The following PDE3A variants were observed in gnomAD, a reference collection of about 807,000 sequenced individuals.
The protein encoded by PDE3A is cGMP-inhibited 3',5'-cyclic phosphodiesterase 3A.
PDE3A carries 43 observed loss-of-function variants against 98.3 expected under a neutral mutation model. The observed-to-expected ratio is 0.44, with a 90% confidence interval of 0.34 to 0.56. PDE3A has a LOEUF of 0.56. PDE3A is among the 20% of genes least tolerant of loss of function. The pLI is 0.01. For synonymous variants in PDE3A, 663 were observed against 567.9 expected (o/e 1.17, Z -2.38); for missense variants, 1,427 against 1,440.7 (o/e 0.99, Z 0.15).
At chr12:20,442,875 G>A (rs996007361) in intron 1 of PDE3A, among the ~76,000 whole-genome samples, 1 of 152,036 alleles carries the variant, frequency 6.6e-6, no homozygotes, top group Non-Finnish European at 1.5e-5. Flanking sequence ...AAACTATATC[G>A]TTCATCCACT....
intron 15 of PDE3A, among the ~76,000 whole-genome samples, chr12:20,665,012 T>C (rs1034413374): frequency 6.6e-6 from 1 of 152,166 alleles, no homozygotes; most frequent in African/African-American, 2.4e-5. Context: ...CAAATATATC[T>C]CATATTTATT....
intron 13 of PDE3A, among the ~76,000 whole-genome samples, chr12:20,649,454 TG>T (rs764707484): frequency 1.3e-5 from 2 of 152,224 alleles, no homozygotes; most frequent in Non-Finnish European, 2.9e-5. Flanking sequence ...TAACACATTC[TG>T]TCATTGTGGT....
At chr12:20,436,464 TA>T (rs1260989322) in intron 1 of PDE3A, among the ~76,000 whole-genome samples, 2 of 152,196 alleles carry the variant, frequency 1.3e-5, no homozygotes, top group African/African-American at 4.8e-5. Flanking sequence ...CCAAGACTTT[TA>T]TGGCACTTAA....
Position 20,394,429 on chromosome 12 carries a change from T to C in PDE3A, c.960+24185T>C, listed in dbSNP as rs7135528. ...TATAATACTTTTTCATGAGTTGGGA[T>C]AAATAAGAAACCTCTTTGTGGCACT... On this transcript the variant is annotated intron_variant, in intron 1 of 15. Coordinates refer to ENST00000359062, the MANE Select transcript of PDE3A (RefSeq NM_000921.5). 6.2e-3 allele frequency among the ~76,000 whole-genome samples: 947 copies of C among 152,140 alleles called. 6 individuals are homozygous for C. Among genetic ancestry groups the C allele is most frequent in the African/African-American group, 0.021 (876 of 41,520 alleles).
intron 1 of PDE3A, among the ~76,000 whole-genome samples, chr12:20,431,897 T>C (rs1410249784): frequency 1.3e-5 from 2 of 152,222 alleles, no homozygotes; most frequent in Non-Finnish European, 2.9e-5. Flanking sequence ...TTTTGTTTGC[T>C]GAGTATTAAG....
rs559063007 is a variant in PDE3A at position 20,537,988 on chromosome 12, T to C, written c.961-18672T>C. ...AGGAGATTGAATTTGATGTGTTATA[T>C]ACATGGTATGAACCAAACGCATAAT... On this transcript the variant is annotated intron_variant, in intron 1 of 15. Coordinates refer to ENST00000359062, the MANE Select transcript of PDE3A (RefSeq NM_000921.5). 2.0e-5 allele frequency among the ~76,000 whole-genome samples: 3 copies of C among 152,314 alleles called. 1 individual carries two copies. Among genetic ancestry groups the C allele is most frequent in the African/African-American group, 4.8e-5 (2 of 41,574 alleles).
chr12:20,444,124 C>T (rs1944914041), intron 1 of PDE3A, among the ~76,000 whole-genome samples: 2 of 152,128 alleles, frequency 1.3e-5, no homozygotes, highest in African/African-American at 4.8e-5. Context: ...AAAGATGATA[C>T]AGCATGCCAT....
intron 2 of PDE3A, among the ~76,000 whole-genome samples, chr12:20,593,368 A>T (rs1943384927): frequency 6.6e-6 from 1 of 152,130 alleles, no homozygotes; most frequent in Non-Finnish European, 1.5e-5. Context: ...ACAACCAAGA[A>T]GTTGAATGTT....
intron 3 of PDE3A, 70 bp from the exon 4 acceptor site, chr12:20,616,160 T>G: frequency 7.3e-7 from 1 of 1,362,022 alleles, no homozygotes; most frequent in African/African-American, 1.5e-5. Context: ...GCTTGTTTCC[T>G]TCTATTATAT....
At chr12:20,481,161 A>C (rs1351911493) in intron 1 of PDE3A, among the ~76,000 whole-genome samples, 1 of 152,240 alleles carries the variant, frequency 6.6e-6, no homozygotes, top group Non-Finnish European at 1.5e-5. Flanking sequence ...AAGTAGATAC[A>C]GCATATATGT....
intron 14 of PDE3A, among the ~76,000 whole-genome samples, chr12:20,652,757 T>C (rs1292883653): frequency 1.3e-5 from 2 of 152,260 alleles, no homozygotes; most frequent in African/African-American, 4.8e-5. Flanking sequence ...ATTCAGGACA[T>C]AGGCATGGGC....
chr12:20,517,088 G>C (rs961082483), intron 1 of PDE3A, among the ~76,000 whole-genome samples: 1 of 152,198 alleles, frequency 6.6e-6, no homozygotes, highest in Admixed American at 6.5e-5. Context: ...TGACTCTGTC[G>C]ACAGCAGAAA....
intron 1 of PDE3A, among the ~76,000 whole-genome samples, chr12:20,534,524 C>T (rs1592029043): frequency 6.6e-6 from 1 of 152,154 alleles, no homozygotes; most frequent in African/African-American, 2.4e-5. Context: ...ATCTTCTCAT[C>T]CATATTCACA....
rs866040640 is a variant in PDE3A, at chr12:20,544,668, G to C, written c.961-11992G>C. Among the ~76,000 whole-genome samples the C allele has an allele frequency of 3.9e-5, 6 of 151,934 alleles. No homozygotes were observed. In the South Asian group the frequency reaches 1.2e-3, roughly 32 times the overall value. ...TAAAAACGTTTATGATTTGCAACCA[G>C]CCAACCTATATTTTAATCCATATTT... On this transcript the variant is annotated intron_variant, in intron 1 of 15. Coordinates refer to ENST00000359062, the MANE Select transcript of PDE3A (RefSeq NM_000921.5).
At chr12:20,498,997 G>A (rs1043905047) in intron 1 of PDE3A, among the ~76,000 whole-genome samples, 5 of 152,140 alleles carry the variant, frequency 3.3e-5, no homozygotes, top group African/African-American at 1.2e-4. Context: ...CTTTTTGGTA[G>A]AAAATTGGCA....
At chr12:20,384,773 CAT>C (rs1943721553) in intron 1 of PDE3A, among the ~76,000 whole-genome samples, 1 of 152,048 alleles carries the variant, frequency 6.6e-6, no homozygotes. Flanking sequence ...TAAGTGAAAA[CAT>C]GTGGTGTTTG....
At chr12:20,467,355 TATTA>T (rs1245686127) in intron 1 of PDE3A, among the ~76,000 whole-genome samples, 2 of 152,060 alleles carry the variant, frequency 1.3e-5, no homozygotes, top group Non-Finnish European at 2.9e-5. Context: ...AAATGATTTA[TATTA>T]ATAAAGATAG....
rs1401558662 is a variant in PDE3A at position 20,368,650 on chromosome 12, G to T, written c.-635G>T. ...TGCCATGAATTGGATTGACAGAGGC[G>T]GGGGAGGCTTTGCTTTCTGCCCCAG... On this transcript the variant is annotated 5_prime_UTR_variant, in exon 1 of 16. Coordinates refer to ENST00000359062, the MANE Select transcript of PDE3A (RefSeq NM_000921.5). Among the ~76,000 whole-genome samples, 2 of 151,898 alleles carry T rather than the reference G, an allele frequency of 1.3e-5. No homozygotes were observed. Among genetic ancestry groups the T allele is most frequent in the African/African-American group, 4.8e-5 (2 of 41,366 alleles).
intron 1 of PDE3A, among the ~76,000 whole-genome samples, chr12:20,379,233 T>G (rs1943622467): frequency 6.6e-6 from 1 of 151,860 alleles, no homozygotes; most frequent in African/African-American, 2.4e-5. Context: ...TAGCCCATTT[T>G]TAAGCTAGCA....
Sources: gnomAD v4.1 joint callset for allele counts (sites outside exome capture counted in the v4.1 genomes callset) on GRCh38, gnomAD v4.1.1 for gene constraint, MANE v1.5 for transcripts, NCBI Gene and HGNC (gene_info 2026-07-23, HGNC 2026-07-21) for gene names.